FBXW7: variants seen among roughly 807,000 people sequenced by gnomAD.
The protein encoded by FBXW7 is F-box and WD repeat domain containing 7.
Under a neutral mutation model 86.3 loss-of-function variants are expected in FBXW7, and 11 were observed. The ratio of observed to expected loss-of-function variants is 0.13; its 90% CI spans 0.08 to 0.21. The LOEUF is 0.21. Ranked by LOEUF, FBXW7 falls within the 10% of genes least tolerant of loss-of-function variation. The probability of loss-of-function intolerance (pLI) is 1.00; values close to 1 mark genes in which losing one functional copy is unlikely to be tolerated. For missense variants in FBXW7, 488 were observed against 847.4 expected (o/e 0.58, Z 5.27); for synonymous variants, 313 against 297.9 (o/e 1.05, Z -0.52).
At chr4:152,432,406 C>A (rs1044053379) in intron 2 of FBXW7, among the ~76,000 whole-genome samples, 1 of 152,186 alleles carries the variant, frequency 6.6e-6, no homozygotes, top group Non-Finnish European at 1.5e-5. Flanking sequence ...TTTTAATTTG[C>A]CTTCAATTAA....
rs2126877026 is a variant in FBXW7 at position 152,411,370 on chromosome 4, T to G, written c.434A>C (p.Asn145Thr). The G allele has an allele frequency of 6.2e-7, 1 of 1,613,226 alleles. No individual in the cohort carries two copies. The highest frequency in any genetic ancestry group is 8.5e-7 in the Non-Finnish European group (1 of 1,179,650). The change falls in exon 4 of 14, where the codon AAC becomes ACC. Residue 145 changes from asparagine to threonine, a missense_variant. Coordinates refer to ENST00000281708, the MANE Select transcript of FBXW7 (RefSeq NM_001349798.2). Reference protein sequence around the residue: ...DEHTHTNSVTNSSSIVDLPVH... With the variant: ...DEHTHTNSVTTSSSIVDLPVH... ...GGGCAGGTCCACAATACTACTGGAG[T>G]TCGTGACACTGTTAGTATGTGTATG... is the stretch of plus-strand genomic sequence containing the variant.
intron 2 of FBXW7, among the ~76,000 whole-genome samples, chr4:152,467,333 C>T (rs1173880131): frequency 6.6e-6 from 1 of 152,122 alleles, no homozygotes; most frequent in Admixed American, 6.6e-5. Context: ...GTGTTTGGTT[C>T]CTCTTCTGCC....
intron 3 of FBXW7, among the ~76,000 whole-genome samples, 163 bp downstream of exon 3, chr4:152,412,317 A>AC (rs1241940950): frequency 3.3e-5 from 5 of 152,244 alleles, no homozygotes; most frequent in Non-Finnish European, 1.5e-5. Flanking sequence ...AAGGCTTTTT[A>AC]CCCTGGGTAT....
intron 2 of FBXW7, among the ~76,000 whole-genome samples, chr4:152,509,454 T>C (rs575569565): frequency 1.3e-5 from 2 of 152,302 alleles, no homozygotes; most frequent in South Asian, 4.1e-4. Flanking sequence ...CAAATTAATG[T>C]ATGTATCTGT....
At chr4:152,450,053 T>C (rs1197938817) in intron 2 of FBXW7, among the ~76,000 whole-genome samples, 1 of 152,256 alleles carries the variant, frequency 6.6e-6, no homozygotes, top group Admixed American at 6.5e-5. Context: ...TCTTTGTGTA[T>C]GTAACATGCT....
intron 2 of FBXW7, among the ~76,000 whole-genome samples, chr4:152,492,668 G>GA (rs1194134576): frequency 5.3e-5 from 8 of 152,104 alleles, no homozygotes; most frequent in African/African-American, 1.7e-4. Flanking sequence ...TGTTGTAAAT[G>GA]AAAAATGAGG....
chr4:152,325,796 G>A (rs1728962815), intron 12 of FBXW7: 3 of 503,716 alleles, frequency 6.0e-6, no homozygotes, highest in Admixed American at 3.3e-5. Flanking sequence ...GTATTTAGAG[G>A]AGAAATAGAT....
intron 4 of FBXW7, among the ~76,000 whole-genome samples, chr4:152,370,123 A>G (rs1478746948): frequency 6.6e-6 from 1 of 152,030 alleles, no homozygotes; most frequent in Non-Finnish European, 1.5e-5. Context: ...TTTAAAATCT[A>G]AAGTGATAAC....
At chr4:152,365,826 C>A (rs973431799) in intron 4 of FBXW7, among the ~76,000 whole-genome samples, 5 of 152,138 alleles carry the variant, frequency 3.3e-5, no homozygotes, top group African/African-American at 1.2e-4. Context: ...GTGCTTGAAG[C>A]CAACACCTTG....
intron 4 of FBXW7, among the ~76,000 whole-genome samples, chr4:152,367,712 A>C (rs1693626295): frequency 6.6e-6 from 1 of 152,208 alleles, no homozygotes; most frequent in South Asian, 2.1e-4. Flanking sequence ...CTGATATCTA[A>C]ATCTTTAGTT....
At chr4:152,448,409 T>A (rs896806644) in intron 2 of FBXW7, among the ~76,000 whole-genome samples, 1 of 152,226 alleles carries the variant, frequency 6.6e-6, no homozygotes, top group African/African-American at 2.4e-5. Context: ...AATGCATCCA[T>A]TTTCATTGCA....
At chr4:152,465,873 T>G (rs1743378895) in intron 2 of FBXW7, among the ~76,000 whole-genome samples, 2 of 151,008 alleles carry the variant, frequency 1.3e-5, no homozygotes, top group Non-Finnish European at 3.0e-5. Context: ...AGAACAATAT[T>G]ACCCATCTAA....
intron 8 of FBXW7, among the ~76,000 whole-genome samples, chr4:152,331,983 C>T (rs1436921776): frequency 1.3e-5 from 2 of 151,988 alleles, no homozygotes; most frequent in East Asian, 3.9e-4. Flanking sequence ...AGGGAATAAT[C>T]ACCTATAGAG....
intron 5 of FBXW7, 24 bp downstream of exon 5, chr4:152,350,018 G>A (rs1459832705): frequency 1.6e-6 from 2 of 1,282,868 alleles, no homozygotes; most frequent in Non-Finnish European, 2.2e-6. Flanking sequence ...AGAATCATGA[G>A]ATAATCATTA....
At chr4:152,365,330 GAT>G (rs1733378751) in intron 4 of FBXW7, among the ~76,000 whole-genome samples, 1 of 152,212 alleles carries the variant, frequency 6.6e-6, no homozygotes, top group Non-Finnish European at 1.5e-5. Context: ...TTAAGAAAAA[GAT>G]ATAATCAGAT....
At chr4:152,514,943 G>C (rs1416586151) in intron 2 of FBXW7, among the ~76,000 whole-genome samples, 2 of 152,202 alleles carry the variant, frequency 1.3e-5, no homozygotes, top group South Asian at 4.1e-4. Context: ...TAGGAGCTGA[G>C]AATGTCAAGT....
chr4:152,321,353 T>A lies in FBXW7; in HGVS notation c.*1528A>T, dbSNP rs527452400. 4.3e-6 allele frequency: 1 copy of A among 232,984 alleles called. No homozygotes were observed. Among genetic ancestry groups the A allele is most frequent in the South Asian group, 1.8e-4 (1 of 5,522 alleles). The allele number at this position is 232,984 out of a possible 1,614,324, so 14.4% of individuals were successfully genotyped here. A position where few individuals can be genotyped will look rare whatever the true frequency, so the allele number is the denominator to read the frequency against. On this transcript the variant is annotated 3_prime_UTR_variant, in exon 14 of 14. Coordinates refer to ENST00000281708, the MANE Select transcript of FBXW7 (RefSeq NM_001349798.2). ...AGACACAATCCCTTTAAAGGTTGTT[T>A]TCCTCCATCATGTCAGGTTGTTACA... is the stretch of plus-strand genomic sequence containing the variant.
chr4:152,340,464 G>A (rs982642148), intron 6 of FBXW7, among the ~76,000 whole-genome samples: 9 of 151,094 alleles, frequency 6.0e-5, no homozygotes, highest in South Asian at 4.2e-4. Context: ...CTGTAGTCCC[G>A]GCGACTTGGG....
At chr4:152,529,142 G>A (rs1416409016) in intron 2 of FBXW7, among the ~76,000 whole-genome samples, 1 of 152,076 alleles carries the variant, frequency 6.6e-6, no homozygotes, top group African/African-American at 2.4e-5. Flanking sequence ...ATTTCTGTTT[G>A]GAGTATTTGC....
Sources: allele counts gnomAD v4.1 joint callset (sites outside exome capture counted in the v4.1 genomes callset), GRCh38; gene constraint gnomAD v4.1.1; transcripts MANE v1.5; gene names NCBI Gene and HGNC (gene_info 2026-07-23, HGNC 2026-07-21).